TMEM164: variants seen among roughly 807,000 people sequenced by gnomAD.
The protein encoded by TMEM164 is RP13-360B22.2.
In TMEM164, 4 loss-of-function variants were observed where a neutral mutation model predicts 18.8. The observed-to-expected ratio is 0.21, with a 90% confidence interval of 0.10 to 0.49. The LOEUF is 0.49. Ranked by LOEUF, TMEM164 falls within the 20% of genes least tolerant of loss-of-function variation. TMEM164 has a pLI of 0.98. For missense variants in TMEM164, 108 were observed against 239.9 expected, an observed-to-expected ratio of 0.45 and a Z score of 3.63; for synonymous variants, 86 against 101.7, an observed-to-expected ratio of 0.85 and a Z score of 0.93.
At chrX:110,114,392 G>A (rs776834816) in intron 4 of TMEM164, among the ~76,000 whole-genome samples, 3 of 111,799 alleles carry the variant, frequency 2.7e-5, no homozygotes, top group Middle Eastern at 4.7e-3. Context: ...TGTTATAGCC[G>A]CTGGCCATTT....
chrX:110,115,971 C>T (rs1452257632), intron 4 of TMEM164, among the ~76,000 whole-genome samples: 1 of 110,738 alleles, frequency 9.0e-6, no homozygotes, highest in Non-Finnish European at 1.9e-5. Context: ...GTTTATAATC[C>T]AAGCTACTTG....
At chrX:110,002,527 C>G (rs1388998406), upstream of TMEM164, 1 of 103,262 alleles carries the variant, frequency 9.7e-6, no homozygotes, top group African/African-American at 3.6e-5. Flanking sequence ...AGTCGTGGCC[C>G]GAGGGCGTGT....
chrX:110,077,689 G>T (rs2065692862), intron 3 of TMEM164, among the ~76,000 whole-genome samples: 1 of 111,609 alleles, frequency 9.0e-6, no homozygotes, highest in Non-Finnish European at 1.9e-5. Context: ...GTCTAGAAAA[G>T]ATTTTATTTC....
At chrX:110,111,229 G>T (rs1170761275) in intron 4 of TMEM164, among the ~76,000 whole-genome samples, 4 of 112,455 alleles carry the variant, frequency 3.6e-5, no homozygotes, top group African/African-American at 1.3e-4. Context: ...CTTGGTCTCA[G>T]AGTTAGATGG....
intron 2 of TMEM164, among the ~76,000 whole-genome samples, chrX:110,021,261 C>G (rs1933827852): frequency 8.9e-6 from 1 of 111,766 alleles, no homozygotes; most frequent in Non-Finnish European, 1.9e-5. Flanking sequence ...CAAAGGAAGC[C>G]AACTCACGAG....
intron 3 of TMEM164, among the ~76,000 whole-genome samples, chrX:110,089,746 A>T (rs1018368695): frequency 1.8e-5 from 2 of 112,022 alleles, no homozygotes; most frequent in Non-Finnish European, 3.8e-5. Context: ...GTTCTGCTTA[A>T]TTCTTAGCTC....
chrX:110,127,891 G>A lies in TMEM164; in HGVS notation c.508-16907G>A, dbSNP rs944544303. 7.1e-5 allele frequency among the ~76,000 whole-genome samples: 8 copies of A among 112,164 alleles called. No individual in the cohort carries two copies. In the East Asian group the frequency reaches 2.2e-3, roughly 32 times the overall value. On this transcript the variant is annotated intron_variant, in intron 4 of 6. Transcript: ENST00000372068. ...ACCCTGCGTATGATAGAGCATGCTA[G>A]GTGCACTCATGGTCCTTATAAAAGC...
chrX:110,145,493 T>C (rs752844241), intron 5 of TMEM164, among the ~76,000 whole-genome samples: 6 of 111,801 alleles, frequency 5.4e-5, no homozygotes, highest in Admixed American at 9.4e-5. Flanking sequence ...CTTCCCTCTA[T>C]TGTGTAACAG....
At chrX:110,009,350 C>G (rs151319836) in intron 2 of TMEM164, among the ~76,000 whole-genome samples, 187 of 112,408 alleles carry the variant, frequency 1.7e-3, no homozygotes, top group African/African-American at 5.9e-3. Flanking sequence ...CACTTTTTGT[C>G]CTTTCCCAGC....
intron 3 of TMEM164, among the ~76,000 whole-genome samples, chrX:110,069,096 C>T (rs1196527888): frequency 9.0e-6 from 1 of 111,403 alleles, no homozygotes; most frequent in East Asian, 2.8e-4. Context: ...ACATTCAATG[C>T]TTAAATCAAC....
chrX:110,078,841 C>G (rs1311520114), intron 3 of TMEM164, among the ~76,000 whole-genome samples: 1 of 111,599 alleles, frequency 9.0e-6, no homozygotes, highest in African/African-American at 3.3e-5. Flanking sequence ...TTAAATTAAA[C>G]TTTATACTTT....
At chrX:110,075,939 G>A (rs772419632) in intron 3 of TMEM164, among the ~76,000 whole-genome samples, 1 of 108,519 alleles carries the variant, frequency 9.2e-6, no homozygotes, top group South Asian at 3.9e-4. Context: ...CTGTGTCTTT[G>A]ACAGATTTTG....
chrX:110,075,092 A>T (rs1209693470), intron 3 of TMEM164, among the ~76,000 whole-genome samples: 1 of 112,104 alleles, frequency 8.9e-6, no homozygotes, highest in African/African-American at 3.2e-5. Context: ...ATCCATGAGA[A>T]TCTAATACTT....
At chrX:110,056,989 C>T (rs1935868348) in intron 2 of TMEM164, among the ~76,000 whole-genome samples, 1 of 110,428 alleles carries the variant, frequency 9.1e-6, no homozygotes, top group African/African-American at 3.3e-5. Context: ...ACATGCATTA[C>T]ATCATAGAGT....
chrX:110,067,681 C>CT (rs2065523185), intron 3 of TMEM164, among the ~76,000 whole-genome samples: 1 of 112,416 alleles, frequency 8.9e-6, no homozygotes, highest in African/African-American at 3.2e-5. Flanking sequence ...TAAAATTTCT[C>CT]TTGAGAGCAT....
chrX:110,039,290 G>A (rs751358621), intron 2 of TMEM164, among the ~76,000 whole-genome samples: 1 of 112,483 alleles, frequency 8.9e-6, no homozygotes, highest in Admixed American at 9.4e-5. Flanking sequence ...CAGCATGCTT[G>A]CTTTTGCCTT....
At chrX:110,072,862 G>T (rs2065616212) in intron 3 of TMEM164, among the ~76,000 whole-genome samples, 1 of 106,550 alleles carries the variant, frequency 9.4e-6, no homozygotes, top group South Asian at 4.2e-4. Flanking sequence ...CTAGATCCAA[G>T]GGTTACATGT....
chrX:110,034,243 C>T (rs746487919), intron 2 of TMEM164, among the ~76,000 whole-genome samples: 5 of 112,318 alleles, frequency 4.5e-5, no homozygotes, highest in African/African-American at 1.6e-4. Flanking sequence ...CTACCCTCCT[C>T]GGAAACTTCT....
At chrX:110,119,892 G>A (rs369407371) in intron 4 of TMEM164, among the ~76,000 whole-genome samples, 11 of 111,854 alleles carry the variant, frequency 9.8e-5, no homozygotes, top group East Asian at 8.4e-4. Context: ...TTTCAGTGGC[G>A]GTAATGTGAA....
Sources: allele counts gnomAD v4.1 joint callset (sites outside exome capture counted in the v4.1 genomes callset), GRCh38; gene constraint gnomAD v4.1.1; transcripts MANE v1.5; gene names NCBI Gene and HGNC (gene_info 2026-07-23, HGNC 2026-07-21).